Variants in PIF1 observed in about 807,000 individuals in gnomAD.
PIF1 encodes the protein ATP-dependent DNA helicase PIF1.
Under a neutral mutation model 62.3 loss-of-function variants are expected in PIF1, and 67 were observed. The observed-to-expected ratio is 1.08, with a 90% confidence interval of 0.88 to 1.32. The LOEUF (loss-of-function observed/expected upper bound fraction) is 1.32. Among genes scored for constraint, PIF1 ranks in the 40% most tolerant of loss-of-function variants. The probability of loss-of-function intolerance (pLI) is 0.00; values close to 1 mark genes in which losing one functional copy is unlikely to be tolerated. For missense variants in PIF1, 886 were observed against 866.1 expected (o/e 1.02, Z -0.29); for synonymous variants, 364 against 379.5 (o/e 0.96, Z 0.47).
chr15:64,823,771 T>A lies in PIF1; in HGVS notation c.558+7A>T, dbSNP rs1340281758. The A allele has an allele frequency of 1.5e-6, 2 of 1,318,180 alleles. No individual in the cohort carries two copies. Among genetic ancestry groups the A allele is most frequent in the Non-Finnish European group, 9.8e-7 (1 of 1,024,084 alleles). 81.7% of individuals were successfully genotyped at this position (1,318,180 alleles called of 1,614,324 possible). On this transcript the variant is annotated splice_region_variant and intron_variant, in intron 2 of 12. Coordinates refer to ENST00000559239, the MANE Select transcript of PIF1 (RefSeq NM_001286496.2). ...TCCTAAAGGTGTCCCTTCTTTCCCG[T>A]CCTCACTGTGCTAGGCTCGGCCCCA...
chr15:64,824,288 CTCCGAG>C lies in PIF1; in HGVS notation c.42_47del (p.Asp14_Ser15del). The C allele has an allele frequency of 7.9e-7, 1 of 1,267,988 alleles. No individual in the cohort carries two copies. The highest frequency in any genetic ancestry group is 1.5e-5 in the African/African-American group (1 of 64,940). The allele number at this position is 1,267,988 out of a possible 1,614,324, so 78.5% of individuals were successfully genotyped here. A position where few individuals can be genotyped will look rare whatever the true frequency, so the allele number is the denominator to read the frequency against. On this transcript the variant is annotated inframe_deletion, in exon 2 of 13. Transcript: ENST00000559239. ...CCTCCACAGCCACGCGGCACCGCAG[CTCCGAG>C]TCCTCATATTCCCCTGCCGCCGCCT...
chr15:64,826,667 C>CATATAAAT (rs1315075229), upstream of PIF1, among the ~76,000 whole-genome samples: 1 of 66,568 alleles, frequency 1.5e-5, no homozygotes, highest in Non-Finnish European at 2.6e-5. Flanking sequence ...TATATATATA[C>CATATAAAT]ACACACACAC....
rs953769226 is a variant in PIF1 at position 64,824,234 on chromosome 15, C to T, written c.102G>A (p.Arg34=). 17 of 1,321,788 alleles carry T rather than the reference C, an allele frequency of 1.3e-5. No individual in the cohort carries two copies. In the African/African-American group the frequency reaches 2.3e-4, roughly 18 times the overall value. The allele number at this position is 1,321,788 out of a possible 1,614,324, so 81.9% of individuals were successfully genotyped here. A position where few individuals can be genotyped will look rare whatever the true frequency, so the allele number is the denominator to read the frequency against. The change falls in exon 2 of 13, where the codon AGG becomes AGA. Residue 34 remains arginine, a synonymous_variant. Coordinates refer to ENST00000559239, the MANE Select transcript of PIF1 (RefSeq NM_001286496.2). ...EELSPGGQPR[R]RQALRTAELS... The stretch of plus-strand genomic sequence containing the variant: ...GCTCCGCGGTGCGCAGGGCCTGGCG[C>T]CTTCGCGGCTGCCCGCCCGGGCTCA...
chr15:64,820,270 C>T (rs1873271900), intron 7 of PIF1, among the ~76,000 whole-genome samples: 1 of 152,250 alleles, frequency 6.6e-6, no homozygotes, highest in Admixed American at 6.5e-5. Context: ...CTCCATAATA[C>T]TCCTGAGGAA....
At position 64,816,568 on chromosome 15, in the gene PIF1, T is replaced by C. The variant is rs1386928211; in HGVS notation, c.1866+6A>G. 10 of 1,612,926 alleles carry C rather than the reference T, an allele frequency of 6.2e-6. No individual in the cohort carries two copies. The highest frequency in any genetic ancestry group is 8.5e-6 in the Non-Finnish European group (10 of 1,179,724). On this transcript the variant is annotated splice_donor_region_variant and intron_variant, in intron 12 of 12. Coordinates refer to ENST00000559239, the MANE Select transcript of PIF1 (RefSeq NM_001286496.2). ...CACAGCCCACCACTGGATGACTCCC[T>C]CTTACCAGACTGAGGCTCCTGCCCC...
chr15:64,823,687 G>T, intron 2 of PIF1, 91 bp downstream of exon 2: 1 of 978,918 alleles, frequency 1.0e-6, no homozygotes, highest in Non-Finnish European at 1.3e-6. Flanking sequence ...TACCCACACC[G>T]GCTTCCCCTC....
chr15:64,821,056 GGTCACT>G lies in PIF1; in HGVS notation c.1113_1118del (p.Val372_Thr373del), dbSNP rs772627039. ...GCCTCCACACCTTGGTCAGCTCCAG[GGTCACT>G]GGCACACACCTCTTCCAGCTCTTGG... On this transcript the variant is annotated inframe_deletion, in exon 7 of 13. Transcript: ENST00000559239. 1.2e-6 allele frequency: 2 copies of G among 1,614,118 alleles called. No individual in the cohort carries two copies. Among genetic ancestry groups the G allele is most frequent in the South Asian group, 2.2e-5 (2 of 91,090 alleles).
At chr15:64,825,220 G>C (rs1256648343) in intron 1 of PIF1, among the ~76,000 whole-genome samples, 2 of 152,016 alleles carry the variant, frequency 1.3e-5, no homozygotes, top group African/African-American at 2.4e-5. Context: ...CCCGTGGGGA[G>C]ATGCAAAGAG....
Position 64,819,957 on chromosome 15 carries a change from T to C in PIF1, c.1223A>G (p.Gln408Arg). Residue 408 changes from glutamine (Q) to arginine (R), a missense_variant, in exon 8 of 13, where the codon CAG (glutamine) becomes CGG (arginine). Physicochemically the swap from Gln to Arg is conservative, Grantham distance 43. Coordinates refer to ENST00000559239, the MANE Select transcript of PIF1 (RefSeq NM_001286496.2). ...RCSDEVTRQLQATASHKVGRD... is the reference protein window; with the variant it reads ...RCSDEVTRQLRATASHKVGRD... Reference sequence around the variant, plus strand: ...CCCCACCTTGTGGGAAGCTGTGGCCTGGAGCTGGCGGGTCACCTCATCTGA... The same window carrying C: ...CCCCACCTTGTGGGAAGCTGTGGCCCGGAGCTGGCGGGTCACCTCATCTGA... 1 of 1,614,156 alleles carries C rather than the reference T, an allele frequency of 6.2e-7. No individual in the cohort carries two copies. The highest frequency in any genetic ancestry group is 8.5e-7 in the Non-Finnish European group (1 of 1,180,018).
At chr15:64,824,881 G>A (rs71409135) in intron 1 of PIF1, among the ~76,000 whole-genome samples, 135,295 of 146,796 alleles carry the variant, frequency 0.92, 63,220 homozygotes, top group Non-Finnish European at 0.99. Flanking sequence ...GTGTGTGTGT[G>A]TGTATATATA....
chr15:64,826,624 TTATATATA>T (rs764170884), upstream of PIF1, among the ~76,000 whole-genome samples: 250 of 36,072 alleles, frequency 6.9e-3, 13 homozygotes, highest in South Asian at 0.052. Flanking sequence ...CCCAGCTAAT[TTATATATA>T]TATATATATA....
At chr15:64,819,072 G>T in intron 9 of PIF1, 45 bp downstream of exon 9, 2 of 1,453,556 alleles carry the variant, frequency 1.4e-6, no homozygotes, top group Non-Finnish European at 1.8e-6. Context: ...AGGCCCATGC[G>T]GGACAGCCCA....
At chr15:64,818,805 T>C in intron 9 of PIF1, 1 of 331,124 alleles carries the variant, frequency 3.0e-6, no homozygotes, top group Non-Finnish European at 5.5e-6. Flanking sequence ...GTTTATAAAG[T>C]ATACTACAGA....
rs140413159 is a variant in PIF1, at chr15:64,823,817, C to T, written c.519G>A (p.Lys173=). Residue 173 remains lysine, a synonymous_variant, in exon 2 of 13, where the codon AAG becomes AAA. Transcript: ENST00000559239. The part of the protein sequence containing the change: ...ATRVPDTTLV[K]RPVEPQAGAE... ...CCCCAGCCTGGGGCTCCACAGGCCG[C>T]TTCACCAGCGTAGTGTCCGGAACCC... 3.5e-4 allele frequency: 472 copies of T among 1,355,858 alleles called. No homozygotes were observed. The highest frequency in any genetic ancestry group is 4.3e-4 in the Non-Finnish European group (445 of 1,043,692). 84.0% of individuals were successfully genotyped at this position (1,355,858 alleles called of 1,614,324 possible).
chr15:64,823,775 C>T lies in PIF1; in HGVS notation c.558+3G>A, dbSNP rs773192225. The stretch of plus-strand genomic sequence containing the variant: ...AAAGGTGTCCCTTCTTTCCCGTCCT[C>T]ACTGTGCTAGGCTCGGCCCCAGCCT... On this transcript the variant is annotated splice_donor_region_variant and intron_variant, in intron 2 of 12. Coordinates refer to ENST00000559239, the MANE Select transcript of PIF1 (RefSeq NM_001286496.2). 5.3e-6 allele frequency: 7 copies of T among 1,320,658 alleles called. No individual in the cohort carries two copies. The highest frequency in any genetic ancestry group is 2.0e-4 in the Middle Eastern group (1 of 4,944). 81.8% of individuals were successfully genotyped at this position (1,320,658 alleles called of 1,614,324 possible). A position where few individuals can be genotyped will look rare whatever the true frequency, so the allele number is the denominator to read the frequency against.
Position 64,816,657 on chromosome 15 carries a change from C to T in PIF1, c.1783G>A (p.Asp595Asn), listed in dbSNP as rs777913187. The T allele has an allele frequency of 5.0e-6, 8 of 1,613,988 alleles. No homozygotes were observed. Among genetic ancestry groups the T allele is most frequent in the Non-Finnish European group, 6.8e-6 (8 of 1,180,046 alleles). ...CAGCGAACCGCCATGGGGTCAAAGT[C>T]CAGCACACGTAGGCCCTGCAGGCTG... ...ARSLQGLRVL[D>N]FDPMAVRCDP... The change falls in exon 12 of 13, where the codon GAC becomes AAC. Residue 595 changes from aspartate to asparagine, a missense_variant. Transcript: ENST00000559239.
rs767394806 is a variant in PIF1 at position 64,819,871 on chromosome 15, C to T, written c.1309G>A (p.Glu437Lys). The change falls in exon 8 of 13, where the codon GAG (glutamate) becomes AAG (lysine). Residue 437 changes from glutamate (E) to lysine (K), a missense_variant. By Grantham distance (56) the Glu-to-Lys change is moderately conservative. Coordinates refer to ENST00000559239, the MANE Select transcript of PIF1 (RefSeq NM_001286496.2). ...CCTGGCAGCTCCTGAAGCCGCCTCT[C>T]GTTGGTGAGGGCCACATCATCCTGG... is the stretch of plus-strand genomic sequence containing the variant. ...THQDDVALTN[E>K]RRLQELPGKV... 1.4e-5 allele frequency: 23 copies of T among 1,613,776 alleles called. No homozygotes were observed. The East Asian group carries it at 1.8e-4, about 13-fold the overall frequency.
chr15:64,818,180 CTT>C, intron 10 of PIF1, 75 bp downstream of exon 10: 1 of 1,611,366 alleles, frequency 6.2e-7, no homozygotes, highest in Non-Finnish European at 8.5e-7. Flanking sequence ...CCTTCCTAGT[CTT>C]TTTCTCCCCC....
At chr15:64,821,118 G>GGAGCAGAGCAGACCCCCAAGGA in intron 6 of PIF1, 30 bp from the exon 7 acceptor site, 1 of 1,613,110 alleles carries the variant, frequency 6.2e-7, no homozygotes, top group South Asian at 1.1e-5. Context: ...GGTGGGTCAA[G>GGAGCAGAGCAGACCCCCAAGGA]GAGCAGAGCA....
Sources: allele counts gnomAD v4.1 joint callset (sites outside exome capture counted in the v4.1 genomes callset), GRCh38; gene constraint gnomAD v4.1.1; transcripts MANE v1.5; gene names NCBI Gene and HGNC (gene_info 2026-07-23, HGNC 2026-07-21).